The following HMSD variants were observed in gnomAD, a reference collection of about 807,000 sequenced individuals.
HMSD encodes the protein histocompatibility minor serpin domain containing.
A neutral mutation model predicts 10.0 loss-of-function variants in HMSD; 13 were observed. The observed-to-expected ratio is 1.31, with a 90% CI of 0.85 to 2.08. The LOEUF (loss-of-function observed/expected upper bound fraction) is 2.08, where lower values mean the gene tolerates loss of function less well. HMSD is among the 30% of genes most tolerant of loss of function. The pLI is 0.00. For synonymous variants in HMSD, 51 were observed against 54.2 expected, an observed-to-expected ratio of 0.94 and a Z score of 0.26; for missense variants, 169 against 166.3, an observed-to-expected ratio of 1.02 and a Z score of -0.09.
chr18:63,954,575 A>G lies in HMSD; in HGVS notation c.222+18A>G, dbSNP rs761871788. The G allele has an allele frequency of 6.3e-7, 1 of 1,598,068 alleles. No individual in the cohort carries two copies. Among genetic ancestry groups the G allele is most frequent in the Admixed American group, 1.7e-5 (1 of 58,700 alleles). The stretch of plus-strand genomic sequence containing the variant: ...TCCTCACAGTAAGTCATACTTGTTT[A>G]TTAGGAAAATAAAGATAGCAATGTG... On this transcript the variant is annotated intron_variant, in intron 3 of 3. Coordinates refer to ENST00000408945, the MANE Select transcript of HMSD (RefSeq NM_001123366.2).
rs1004683531 is a variant in HMSD at position 63,961,530 on chromosome 18, A to C, written c.*1175A>C. 3.4e-5 allele frequency: 5 copies of C among 145,752 alleles called. No individual in the cohort carries two copies. Among genetic ancestry groups the C allele is most frequent in the African/African-American group, 1.4e-4 (5 of 35,670 alleles). 9.0% of individuals were successfully genotyped at this position (145,752 alleles called of 1,614,324 possible). A position where few individuals can be genotyped will look rare whatever the true frequency, so the allele number is the denominator to read the frequency against. On this transcript the variant is annotated 3_prime_UTR_variant, in exon 4 of 4. Coordinates refer to ENST00000408945, the MANE Select transcript of HMSD (RefSeq NM_001123366.2). ...TCCCCTGCTCTTGTCAGATATGTGC[A>C]CCCTATTCACCCACTGAGCAGGAAG...
intron 3 of HMSD, 141 bp from the exon 4 acceptor site, chr18:63,960,017 G>C: frequency 2.3e-6 from 2 of 877,376 alleles, no homozygotes; most frequent in Non-Finnish European, 3.5e-6. Context: ...TTGGACTTTA[G>C]GTTAATTCCT....
intron 2 of HMSD, 106 bp downstream of exon 2, chr18:63,953,633 C>A: frequency 1.1e-6 from 1 of 873,776 alleles, no homozygotes; most frequent in South Asian, 1.4e-5. Context: ...ACAGACAACT[C>A]TGGTAGTCTC....
chr18:63,951,616 A>G (rs1319499005), intron 1 of HMSD, among the ~76,000 whole-genome samples: 1 of 152,226 alleles, frequency 6.6e-6, no homozygotes, highest in African/African-American at 2.4e-5. Context: ...GGAAGGCAAT[A>G]GTGACATAAG....
chr18:63,957,552 T>C (rs901836359), intron 3 of HMSD, among the ~76,000 whole-genome samples: 5 of 152,304 alleles, frequency 3.3e-5, no homozygotes, highest in Admixed American at 3.3e-4. Context: ...AACAGATTGG[T>C]ATAAAGTGAA....
intron 2 of HMSD, among the ~76,000 whole-genome samples, chr18:63,954,013 G>A (rs1240718214): frequency 1.3e-5 from 2 of 152,224 alleles, no homozygotes; most frequent in Non-Finnish European, 2.9e-5. Flanking sequence ...AGATTCTGAA[G>A]AAGGGGAGAG....
rs891792661 is a variant in HMSD at position 63,960,334 on chromosome 18, T to C, written c.399T>C (p.Ser133=). The change falls in exon 4 of 4, where the codon TCT becomes TCC. Residue 133 remains serine, a synonymous_variant. Coordinates refer to ENST00000408945, the MANE Select transcript of HMSD (RefSeq NM_001123366.2). ...TTTTAAACAGTTTTATAGTCAGTTCTTTACAAAACTGTCAAATATAAAAAG... is the reference window on the plus strand; with the variant it reads ...TTTTAAACAGTTTTATAGTCAGTTCCTTACAAAACTGTCAAATATAAAAAG... The part of the protein sequence containing the change: ...DNILNSFIVS[S]LQNCQI 50 of 1,586,496 alleles carry C rather than the reference T, an allele frequency of 3.2e-5. No homozygotes were observed. The highest frequency in any genetic ancestry group is 3.9e-5 in the Non-Finnish European group (45 of 1,167,506).
intron 1 of HMSD, among the ~76,000 whole-genome samples, chr18:63,950,651 G>A (rs1338098433): frequency 6.6e-6 from 1 of 150,606 alleles, no homozygotes; most frequent in Non-Finnish European, 1.5e-5. Context: ...TCTGTGTTAC[G>A]CAAATCAGAT....
chr18:63,959,703 C>T (rs959216662), intron 3 of HMSD, among the ~76,000 whole-genome samples: 14 of 152,100 alleles, frequency 9.2e-5, no homozygotes, highest in African/African-American at 3.4e-4. Flanking sequence ...TAATTTTCTG[C>T]TTGCTGGATC....
downstream of HMSD, among the ~76,000 whole-genome samples, chr18:63,964,294 C>T (rs968421904): frequency 6.6e-6 from 1 of 152,128 alleles, no homozygotes. Context: ...CCAAGGTGGG[C>T]AGATCACCGG....
At position 63,960,442 on chromosome 18, in the gene HMSD, C is replaced by G. The variant is rs1017379946; in HGVS notation, c.*87C>G. On this transcript the variant is annotated 3_prime_UTR_variant, in exon 4 of 4. Coordinates refer to ENST00000408945, the MANE Select transcript of HMSD (RefSeq NM_001123366.2). ...GCCAACTCGTAGACCTTTTCTCTAGCTTTAGCTTTTCCCTTATCAAGTATC... is the reference window on the plus strand; with the variant it reads ...GCCAACTCGTAGACCTTTTCTCTAGGTTTAGCTTTTCCCTTATCAAGTATC... 134 of 1,473,658 alleles carry G rather than the reference C, an allele frequency of 9.1e-5. No individual in the cohort carries two copies. Among genetic ancestry groups the G allele is most frequent in the Middle Eastern group, 4.8e-4 (2 of 4,136 alleles). 91.3% of individuals were successfully genotyped at this position (1,473,658 alleles called of 1,614,324 possible). A position where few individuals can be genotyped will look rare whatever the true frequency, so the allele number is the denominator to read the frequency against.
At chr18:63,953,068 C>T (rs796865076) in intron 1 of HMSD, among the ~76,000 whole-genome samples, 17 of 152,284 alleles carry the variant, frequency 1.1e-4, no homozygotes, top group Admixed American at 3.3e-4. Context: ...TTTCTAATGC[C>T]TACTTTTCTG....
rs541971532 is a variant in HMSD at position 63,961,181 on chromosome 18, G to A, written c.*826G>A. 3 of 142,546 alleles carry A rather than the reference G, an allele frequency of 2.1e-5. No individual in the cohort carries two copies. In the South Asian group the frequency reaches 6.4e-4, roughly 31 times the overall value. The allele number at this position is 142,546 out of a possible 1,614,324, so 8.8% of individuals were successfully genotyped here. A position where few individuals can be genotyped will look rare whatever the true frequency, so the allele number is the denominator to read the frequency against. On this transcript the variant is annotated 3_prime_UTR_variant, in exon 4 of 4. Coordinates refer to ENST00000408945, the MANE Select transcript of HMSD (RefSeq NM_001123366.2). ...GGAGTGTAAATGGAGTAACCTCTAA[G>A]TATCCAAGCAGGAGGGTGTTTTTTT...
intron 3 of HMSD, among the ~76,000 whole-genome samples, chr18:63,957,200 T>C (rs2050363139): frequency 6.6e-6 from 1 of 151,998 alleles, no homozygotes; most frequent in South Asian, 2.1e-4. Context: ...ATAACAAACT[T>C]GCTTAGGTAT....
chr18:63,969,523 A>G (rs1350003108), intron 3 of HMSD: 1 of 152,274 alleles, frequency 6.6e-6, no homozygotes, highest in East Asian at 1.9e-4. Flanking sequence ...AGAGATGTCC[A>G]GTAGTACACA....
In HMSD at chr18:63,961,236, A is replaced by G. The variant is rs1316309565; in HGVS notation, c.*881A>G. 6.6e-6 allele frequency: 1 copy of G among 151,894 alleles called. No homozygotes were observed. Among genetic ancestry groups the G allele is most frequent in the Non-Finnish European group, 1.5e-5 (1 of 67,992 alleles). 9.4% of individuals were successfully genotyped at this position (151,894 alleles called of 1,614,324 possible). A position where few individuals can be genotyped will look rare whatever the true frequency, so the allele number is the denominator to read the frequency against. On this transcript the variant is annotated 3_prime_UTR_variant, in exon 4 of 4. Transcript: ENST00000408945. ...TCTTTCCTGGAATGAGGATAATCAA[A>G]TCATTTCAATATGAATTATGAAAAT...
At chr18:63,966,186 A>G (rs1599115580), downstream of HMSD, among the ~76,000 whole-genome samples, 1 of 152,182 alleles carries the variant, frequency 6.6e-6, no homozygotes, top group Non-Finnish European at 1.5e-5. Context: ...AAAAATCCAC[A>G]CCCAAACCAC....
chr18:63,955,998 T>G (rs2050356080), intron 3 of HMSD, among the ~76,000 whole-genome samples: 1 of 152,186 alleles, frequency 6.6e-6, no homozygotes, highest in Non-Finnish European at 1.5e-5. Context: ...CTGGACGTTT[T>G]CCAGGGGTAA....
chr18:63,963,601 T>C (rs2050399355), downstream of HMSD, among the ~76,000 whole-genome samples: 1 of 152,196 alleles, frequency 6.6e-6, no homozygotes, highest in Admixed American at 6.5e-5. Flanking sequence ...TTAGATATTG[T>C]CCTTGAGATG....
Sources: gnomAD v4.1 joint callset for allele counts (sites outside exome capture counted in the v4.1 genomes callset) on GRCh38, gnomAD v4.1.1 for gene constraint, MANE v1.5 for transcripts, NCBI Gene and HGNC (gene_info 2026-07-23, HGNC 2026-07-21) for gene names.